The following NSD2 variants were observed in gnomAD, a reference collection of about 807,000 sequenced individuals.
NSD2 encodes the protein histone-lysine N-methyltransferase NSD2.
NSD2 carries 12 observed loss-of-function variants against 139.0 expected under a neutral mutation model. The observed-to-expected ratio is 0.09, with a 90% CI of 0.06 to 0.14. The LOEUF (loss-of-function observed/expected upper bound fraction) is 0.14. Among genes scored for constraint, NSD2 ranks in the 10% least tolerant of loss-of-function variants. The probability of loss-of-function intolerance (pLI) is 1.00; values close to 1 mark genes in which losing one functional copy is unlikely to be tolerated. For synonymous variants in NSD2, 669 were observed against 648.7 expected (o/e 1.03, Z -0.48); for missense variants, 1,155 against 1,745.0 (o/e 0.66, Z 6.02).
At chr4:1,951,333 C>A in intron 10 of NSD2, 130 bp downstream of exon 10, 1 of 1,331,278 alleles carries the variant, frequency 7.5e-7, no homozygotes, top group Non-Finnish European at 1.0e-6. Context: ...ACTCACTCAT[C>A]TCTGTTTTGA....
At chr4:1,959,256 G>A (rs1026021475) in intron 16 of NSD2, among the ~76,000 whole-genome samples, 2 of 152,182 alleles carry the variant, frequency 1.3e-5, no homozygotes, top group African/African-American at 2.4e-5. Flanking sequence ...GTGAGGGGGC[G>A]TTGTGTTGCC....
chr4:1,917,887 T>C (rs569648109), intron 4 of NSD2, among the ~76,000 whole-genome samples: 22 of 151,472 alleles, frequency 1.5e-4, no homozygotes, highest in Admixed American at 4.6e-4. Context: ...TTCAAGTGAT[T>C]CTCATGTCTC....
At chr4:1,950,223 T>C (rs2108936620) in intron 9 of NSD2, among the ~76,000 whole-genome samples, 1 of 152,326 alleles carries the variant, frequency 6.6e-6, no homozygotes, top group Non-Finnish European at 1.5e-5. Context: ...ATGCTGTGTA[T>C]GTGAGGGTGA....
intron 5 of NSD2, among the ~76,000 whole-genome samples, chr4:1,922,988 C>G (rs1349634873): frequency 6.6e-6 from 1 of 152,070 alleles, no homozygotes; most frequent in Non-Finnish European, 1.5e-5. Context: ...GGGCCCAGAA[C>G]AGGCTCTCGA....
At position 1,980,857 on chromosome 4, in the gene NSD2, A is replaced by C. The variant is rs955319111; in HGVS notation, c.*1948A>C. 7 of 233,260 alleles carry C rather than the reference A, an allele frequency of 3.0e-5. No individual in the cohort carries two copies. The South Asian group carries it at 1.3e-3, about 42-fold the overall frequency. The allele number at this position is 233,260 out of a possible 1,614,324, so 14.4% of individuals were successfully genotyped here. A position where few individuals can be genotyped will look rare whatever the true frequency, so the allele number is the denominator to read the frequency against. On this transcript the variant is annotated 3_prime_UTR_variant, in exon 22 of 22. Coordinates refer to ENST00000508803, the MANE Select transcript of NSD2 (RefSeq NM_001042424.3). ...AACTTCTCCCAAAGTGTCCTAAGAA[A>C]ATACTGGATCGGCTCATAGATTTAT... is the stretch of plus-strand genomic sequence containing the variant.
chr4:1,938,907 G>A (rs1577495660), intron 8 of NSD2, among the ~76,000 whole-genome samples: 1 of 152,142 alleles, frequency 6.6e-6, no homozygotes, highest in South Asian at 2.1e-4. Context: ...CTGACCCTCT[G>A]CATGTAAGCT....
intron 5 of NSD2, among the ~76,000 whole-genome samples, chr4:1,925,494 G>T (rs1322971155): frequency 7.0e-6 from 1 of 142,716 alleles, no homozygotes; most frequent in Non-Finnish European, 1.5e-5. Flanking sequence ...CTCCCCCCGG[G>T]TTCAAGCGAT....
intron 18 of NSD2, among the ~76,000 whole-genome samples, chr4:1,965,558 A>G (rs1407589321): frequency 2.0e-5 from 3 of 152,268 alleles, no homozygotes; most frequent in Non-Finnish European, 2.9e-5. Context: ...TTCGAAAACC[A>G]GAAAAAGAAT....
chr4:1,938,137 T>C (rs1722617921), intron 7 of NSD2, among the ~76,000 whole-genome samples: 1 of 152,314 alleles, frequency 6.6e-6, no homozygotes, highest in East Asian at 1.9e-4. Flanking sequence ...ACCACATGAC[T>C]GCAGCGGGTC....
At chr4:1,903,129 T>G (rs534800132) in intron 2 of NSD2, among the ~76,000 whole-genome samples, 1 of 152,316 alleles carries the variant, frequency 6.6e-6, no homozygotes, top group African/African-American at 2.4e-5. Context: ...ATGCCAGGCT[T>G]CACCAGCATG....
chr4:1,967,413 A>G (rs1171237892), intron 18 of NSD2, among the ~76,000 whole-genome samples: 1 of 152,096 alleles, frequency 6.6e-6, no homozygotes, highest in Admixed American at 6.5e-5. Flanking sequence ...CCCTGTCTCT[A>G]CTAAAAATAC....
chr4:1,934,345 A>G (rs1722046750), intron 6 of NSD2, among the ~76,000 whole-genome samples: 1 of 151,106 alleles, frequency 6.6e-6, no homozygotes, highest in Non-Finnish European at 1.5e-5. Context: ...TCAGCCTCCC[A>G]AAGTATTGGG....
chr4:1,932,700 C>T (rs1374265945), intron 6 of NSD2, among the ~76,000 whole-genome samples: 1 of 152,128 alleles, frequency 6.6e-6, no homozygotes, highest in African/African-American at 2.4e-5. Flanking sequence ...GAGCCGAGAT[C>T]GTGCCATTGG....
At chr4:1,929,660 C>T (rs1432348077) in intron 5 of NSD2, among the ~76,000 whole-genome samples, 1 of 152,168 alleles carries the variant, frequency 6.6e-6, no homozygotes, top group Non-Finnish European at 1.5e-5. Flanking sequence ...TTTGAATTTC[C>T]TGTAATTTTT....
At chr4:1,935,026 A>G in intron 6 of NSD2, 118 bp from the exon 7 acceptor site, 1 of 620,686 alleles carries the variant, frequency 1.6e-6, no homozygotes, top group Non-Finnish European at 2.7e-6. Context: ...GCAGGGTTAC[A>G]GGAAACCCAT....
rs898309677 is a variant in NSD2 at position 1,948,864 on chromosome 4, T to C, written c.1882-2208T>C. ...TTCTGTCTTTCTCTCCATGCATTTT[T>C]TTTCTCATTTTTAAAGCTTTTTAAG... On this transcript the variant is annotated intron_variant, in intron 9 of 21. Transcript: ENST00000508803. The surrounding 1 kb of genome is among the most constrained non-coding windows in gnomAD (Gnocchi z 4.5). 263 of 971,266 alleles carry C rather than the reference T, an allele frequency of 2.7e-4. No individual in the cohort carries two copies. Among genetic ancestry groups the C allele is most frequent in the Non-Finnish European group, 3.2e-4 (255 of 807,158 alleles). 60.2% of individuals were successfully genotyped at this position (971,266 alleles called of 1,614,324 possible).
In NSD2 at chr4:1,879,824, TTGTGTGTGTGTG is replaced by T. The variant is rs140755867; in HGVS notation, c.-30+8306_-30+8317del. Among the ~76,000 whole-genome samples the T allele has an allele frequency of 5.9e-3, 857 of 144,152 alleles. 8 individuals are homozygous for T. The highest frequency in any genetic ancestry group is 0.021 in the African/African-American group (804 of 39,080). 94.6% of individuals were successfully genotyped at this position (144,152 alleles called of 152,430 possible). A position where few individuals can be genotyped will look rare whatever the true frequency, so the allele number is the denominator to read the frequency against. On this transcript the variant is annotated intron_variant, in intron 1 of 21. Transcript: ENST00000508803. ...GTTGCAGACCCTGGGCCCATGGCAC[TTGTGTGTGTGTG>T]TGTGTGTGTGTGTGTGTGTGTGTTT...
intron 5 of NSD2, among the ~76,000 whole-genome samples, chr4:1,922,048 C>T (rs1215786864): frequency 1.3e-5 from 2 of 151,870 alleles, no homozygotes; most frequent in East Asian, 1.9e-4. Context: ...CTCAGGAGGC[C>T]GAGGCAAGAG....
At chr4:1,936,667 CA>C (rs879590049) in intron 7 of NSD2, among the ~76,000 whole-genome samples, 5,033 of 52,560 alleles carry the variant, frequency 0.096, 189 homozygotes, top group African/African-American at 0.26. Context: ...GACTCCATCT[CA>C]AAAAAAAAAA....
Sources: gnomAD v4.1 joint callset for allele counts (sites outside exome capture counted in the v4.1 genomes callset) on GRCh38, gnomAD v4.1.1 for gene constraint, Gnocchi (gnomAD v3.1) non-coding constraint, MANE v1.5 for transcripts, NCBI Gene and HGNC (gene_info 2026-07-23, HGNC 2026-07-21) for gene names.